FHL5: variants seen among roughly 807,000 people sequenced by gnomAD.
FHL5 encodes four and a half LIM domains 5.
Under a neutral mutation model 32.0 loss-of-function variants are expected in FHL5, and 33 were observed. The observed-to-expected ratio is 1.03, with a 90% confidence interval of 0.78 to 1.38. The LOEUF is 1.38. FHL5 is among the 40% of genes most tolerant of loss of function. The pLI, the probability that FHL5 is intolerant of heterozygous loss-of-function variation, is 0.00. For missense variants in FHL5, 336 were observed against 343.9 expected, an observed-to-expected ratio of 0.98 and a Z score of 0.18; for synonymous variants, 114 against 113.6, an observed-to-expected ratio of 1.00 and a Z score of -0.02.
chr6:96,562,810 C>T (rs1038750600), upstream of FHL5: 6 of 152,152 alleles, frequency 3.9e-5, no homozygotes, highest in African/African-American at 1.4e-4. Flanking sequence ...GCGGTTCAGA[C>T]ATTTCTAACC....
At chr6:96,615,544 C>A in intron 5 of FHL5, 65 bp from the exon 6 acceptor site, 2 of 1,347,928 alleles carry the variant, frequency 1.5e-6, no homozygotes, top group Non-Finnish European at 2.0e-6. Flanking sequence ...AGAGGAGCAT[C>A]TGCTAGAATG....
In FHL5 at chr6:96,615,856, A is replaced by C. The variant is rs1362403415; in HGVS notation, c.*84A>C. The C allele has an allele frequency of 8.4e-7, 1 of 1,185,410 alleles. No individual in the cohort carries two copies. Among genetic ancestry groups the C allele is most frequent in the African/African-American group, 1.6e-5 (1 of 63,958 alleles). 73.4% of individuals were successfully genotyped at this position (1,185,410 alleles called of 1,614,324 possible). On this transcript the variant is annotated 3_prime_UTR_variant, in exon 6 of 6. Transcript: ENST00000450218. Reference sequence around the variant, plus strand: ...TCAGTTGCGGTCTTATTTTTGACTTAAGTTTTAGAAAATATTCATGTAGTT... The same window carrying C: ...TCAGTTGCGGTCTTATTTTTGACTTCAGTTTTAGAAAATATTCATGTAGTT...
chr6:96,579,483 C>A (rs1376554072), intron 1 of FHL5, among the ~76,000 whole-genome samples: 1 of 152,100 alleles, frequency 6.6e-6, no homozygotes, highest in Non-Finnish European at 1.5e-5. Flanking sequence ...ATGTACTATA[C>A]TATTGTATTA....
In FHL5 at chr6:96,610,644, AG is replaced by A. The variant is rs1562065826; in HGVS notation, c.579del (p.Asp195IlefsTer29). On this transcript the variant is annotated frameshift_variant, in exon 5 of 6. Transcript: ENST00000450218. LOFTEE classifies it high-confidence loss of function. ...AGAGTGTTTTCTGTGTAGTGGCTGTAGGAAAGATCTCTGTGAAGAACAGTTC... is the reference window on the plus strand; with the variant it reads ...AGAGTGTTTTCTGTGTAGTGGCTGTAGAAAGATCTCTGTGAAGAACAGTTC... ...HKECFLCSGCRKDLCEEQFMS... is the reference protein window; with the variant it reads ...HKECFLCSGCXKDLCEEQFMS... 1.2e-6 allele frequency: 2 copies of A among 1,613,716 alleles called. No homozygotes were observed. The highest frequency in any genetic ancestry group is 1.7e-6 in the Non-Finnish European group (2 of 1,179,624).
intron 4 of FHL5, among the ~76,000 whole-genome samples, chr6:96,609,827 G>T (rs1023574459): frequency 6.6e-5 from 10 of 152,256 alleles, no homozygotes; most frequent in Admixed American, 1.3e-4. Context: ...AGCTCACTAT[G>T]GCCATGGCAA....
At chr6:96,575,857 G>A (rs919066528) in intron 1 of FHL5, among the ~76,000 whole-genome samples, 17 of 152,162 alleles carry the variant, frequency 1.1e-4, no homozygotes, top group African/African-American at 3.4e-4. Context: ...TTTTCAGTAT[G>A]GTGTTTAGTT....
At chr6:96,613,794 T>C (rs1181692933) in intron 5 of FHL5, among the ~76,000 whole-genome samples, 1 of 152,220 alleles carries the variant, frequency 6.6e-6, no homozygotes, top group Admixed American at 6.5e-5. Context: ...GCGGTTAAAC[T>C]TCTCACTTCT....
intron 1 of FHL5, among the ~76,000 whole-genome samples, chr6:96,566,372 T>C (rs984252803): frequency 6.6e-6 from 1 of 152,048 alleles, no homozygotes; most frequent in Non-Finnish European, 1.5e-5. Flanking sequence ...TTGGGATATA[T>C]AGCACTTTTT....
At chr6:96,566,033 T>A (rs930993212) in intron 1 of FHL5, among the ~76,000 whole-genome samples, 1 of 152,028 alleles carries the variant, frequency 6.6e-6, no homozygotes, top group Non-Finnish European at 1.5e-5. Context: ...TCTAGCTATT[T>A]GAAAATATAC....
intron 1 of FHL5, among the ~76,000 whole-genome samples, chr6:96,585,345 G>A (rs1185187512): frequency 6.6e-6 from 1 of 152,002 alleles, no homozygotes; most frequent in Non-Finnish European, 1.5e-5. Flanking sequence ...ACCTGAATAG[G>A]CAATTGGGAT....
chr6:96,565,422 T>C (rs1444845224), intron 1 of FHL5, among the ~76,000 whole-genome samples: 6 of 152,204 alleles, frequency 3.9e-5, no homozygotes, highest in Admixed American at 6.5e-5. Flanking sequence ...AGCTGTGTTA[T>C]AGAATTTTAT....
chr6:96,599,191 C>CTTT (rs67400814), intron 1 of FHL5, among the ~76,000 whole-genome samples: 9 of 111,544 alleles, frequency 8.1e-5, no homozygotes, highest in South Asian at 3.2e-4. Context: ...GAACTTACAT[C>CTTT]TTTTTTTTTT....
In FHL5 at chr6:96,616,338, C is replaced by G. The variant is rs1175427626; in HGVS notation, c.*566C>G. 1 of 152,192 alleles carries G rather than the reference C, an allele frequency of 6.6e-6. No individual in the cohort carries two copies. Among genetic ancestry groups the G allele is most frequent in the Non-Finnish European group, 1.5e-5 (1 of 68,064 alleles). 9.4% of individuals were successfully genotyped at this position (152,192 alleles called of 1,614,324 possible). Reference sequence around the variant, plus strand: ...ATTAAAAAACAAAGCTACAATTTGCCCTCATACACACTGCTTCCACAGCTT... The same window carrying G: ...ATTAAAAAACAAAGCTACAATTTGCGCTCATACACACTGCTTCCACAGCTT... On this transcript the variant is annotated 3_prime_UTR_variant, in exon 6 of 6. Transcript: ENST00000450218.
intron 5 of FHL5, among the ~76,000 whole-genome samples, chr6:96,613,537 C>T (rs902393796): frequency 1.4e-4 from 22 of 152,146 alleles, no homozygotes; most frequent in African/African-American, 4.8e-4. Context: ...CCTTCATTTG[C>T]CTTATTTATA....
intron 1 of FHL5, among the ~76,000 whole-genome samples, chr6:96,579,684 G>A (rs1770658647): frequency 1.3e-5 from 2 of 152,146 alleles, no homozygotes; most frequent in Non-Finnish European, 2.9e-5. Context: ...TGTGACCTAT[G>A]CCCAAAAAGT....
chr6:96,584,659 A>G (rs1270247372), intron 1 of FHL5, among the ~76,000 whole-genome samples: 1 of 152,124 alleles, frequency 6.6e-6, no homozygotes, highest in African/African-American at 2.4e-5. Flanking sequence ...TGAGATTTTT[A>G]TCAAGCATCA....
rs575192186 is a variant in FHL5, at chr6:96,582,837, G to A, written c.-13+19482G>A. ...TTGAGTTTTTTTTAAGTAGCATTTGGGAGGGGGAATGGAAAGAGCCTCCTT... is the reference window on the plus strand; with the variant it reads ...TTGAGTTTTTTTTAAGTAGCATTTGAGAGGGGGAATGGAAAGAGCCTCCTT... On this transcript the variant is annotated intron_variant, in intron 1 of 5. Transcript: ENST00000450218. Among the ~76,000 whole-genome samples, 37 of 152,100 alleles carry A rather than the reference G, an allele frequency of 2.4e-4. 1 individual carries two copies. In the South Asian group the frequency reaches 7.5e-3, roughly 31 times the overall value.
intron 1 of FHL5, among the ~76,000 whole-genome samples, chr6:96,583,144 G>A (rs377018160): frequency 6.6e-6 from 1 of 152,066 alleles, no homozygotes; most frequent in East Asian, 1.9e-4. Flanking sequence ...TGGTATTTAT[G>A]TCTTTGGTTT....
intron 1 of FHL5, among the ~76,000 whole-genome samples, chr6:96,565,454 G>C (rs1770336241): frequency 6.6e-6 from 1 of 152,072 alleles, no homozygotes. Context: ...AATAACAGTA[G>C]TCATTTTTAT....
Sources: allele counts gnomAD v4.1 joint callset (sites outside exome capture counted in the v4.1 genomes callset), GRCh38; gene constraint gnomAD v4.1.1; transcripts MANE v1.5; gene names NCBI Gene and HGNC (gene_info 2026-07-23, HGNC 2026-07-21).